HDAC9: variants seen among roughly 807,000 people sequenced by gnomAD.
HDAC9 encodes MEF-2 interacting transcription repressor (MITR) protein.
HDAC9 carries 41 observed loss-of-function variants against 139.4 expected under a neutral mutation model. That is an observed-to-expected ratio of 0.29 (90% CI 0.23 to 0.38). The LOEUF (loss-of-function observed/expected upper bound fraction) is 0.38, where lower values mean the gene tolerates loss of function less well. Among genes scored for constraint, HDAC9 ranks in the 10% least tolerant of loss-of-function variants. The probability of loss-of-function intolerance (pLI) is 1.00; values close to 1 mark genes in which losing one functional copy is unlikely to be tolerated. For synonymous variants in HDAC9, 517 were observed against 476.2 expected (o/e 1.09, Z -1.12); for missense variants, 1,147 against 1,297.0 (o/e 0.88, Z 1.78).
rs572742698 is a variant in HDAC9 at position 18,939,070 on chromosome 7, A to T, written c.2937+3128A>T. Among the ~76,000 whole-genome samples, 4 of 152,320 alleles carry T rather than the reference A, an allele frequency of 2.6e-5. 1 individual carries two copies. The highest frequency in any genetic ancestry group is 9.6e-5 in the African/African-American group (4 of 41,570). On this transcript the variant is annotated intron_variant, in intron 23 of 25. Transcript: ENST00000686413. ...TTGACTATTGAACTTACTAATTAAT[A>T]TGTATGTCTTATGGTAAATTTGAGT...
intron 13 of HDAC9, among the ~76,000 whole-genome samples, chr7:18,742,671 C>T (rs1787568298): frequency 3.3e-5 from 5 of 151,704 alleles, no homozygotes. Context: ...TTTTTCTGAC[C>T]ACTGTATTTT....
At chr7:18,375,997 C>CA (rs2128707536) in intron 1 of HDAC9, among the ~76,000 whole-genome samples, 1 of 152,198 alleles carries the variant, frequency 6.6e-6, no homozygotes, top group Non-Finnish European at 1.5e-5. Context: ...TAGGCAAGAT[C>CA]ATTAAAACAT....
chr7:18,295,081 A>T (rs1432426750), intron 1 of HDAC9, among the ~76,000 whole-genome samples: 2 of 152,134 alleles, frequency 1.3e-5, no homozygotes, highest in Non-Finnish European at 2.9e-5. Flanking sequence ...TAGGCATAAG[A>T]TGTCATGTAG....
At chr7:18,336,255 A>T (rs1172850910) in intron 1 of HDAC9, among the ~76,000 whole-genome samples, 1 of 151,546 alleles carries the variant, frequency 6.6e-6, no homozygotes, top group Admixed American at 6.6e-5. Context: ...TATTATAAGC[A>T]TTTTGGCCTA....
At chr7:18,568,299 T>G (rs969660800) in intron 2 of HDAC9, among the ~76,000 whole-genome samples, 7 of 152,080 alleles carry the variant, frequency 4.6e-5, no homozygotes, top group African/African-American at 1.7e-4. Context: ...TTTACCATAT[T>G]ATTAAATATG....
intron 6 of HDAC9, among the ~76,000 whole-genome samples, chr7:18,602,746 T>C (rs1049967110): frequency 6.6e-6 from 1 of 152,070 alleles, no homozygotes; most frequent in Non-Finnish European, 1.5e-5. Context: ...ATTACTTGAG[T>C]ATTTGCTAGC....
chr7:18,519,571 A>G (rs993553380), intron 2 of HDAC9, among the ~76,000 whole-genome samples: 2 of 152,154 alleles, frequency 1.3e-5, no homozygotes, highest in Non-Finnish European at 1.5e-5. Flanking sequence ...TGTCAACATT[A>G]TGGGAGTAAA....
At chr7:18,188,760 A>G (rs1160583654) in intron 2 of HDAC9, among the ~76,000 whole-genome samples, 4 of 152,250 alleles carry the variant, frequency 2.6e-5, no homozygotes, top group Non-Finnish European at 4.4e-5. Context: ...ATCACTGATC[A>G]TCAGAGAAAT....
At chr7:18,917,309 G>A (rs1438283669) in intron 22 of HDAC9, among the ~76,000 whole-genome samples, 1 of 151,564 alleles carries the variant, frequency 6.6e-6, no homozygotes, top group Non-Finnish European at 1.5e-5. Context: ...CTCTGGATAT[G>A]AATTTGAAAA....
chr7:18,870,187 C>T (rs1057425898), intron 21 of HDAC9, among the ~76,000 whole-genome samples: 7 of 152,102 alleles, frequency 4.6e-5, no homozygotes, highest in African/African-American at 1.7e-4. Flanking sequence ...ATCTAAACTA[C>T]AGATTTTATA....
intron 2 of HDAC9, among the ~76,000 whole-genome samples, chr7:18,261,724 A>G (rs1795692669): frequency 6.6e-6 from 1 of 152,194 alleles, no homozygotes; most frequent in Non-Finnish European, 1.5e-5. Flanking sequence ...AGATAAATTT[A>G]GTTGTCTTTT....
intron 1 of HDAC9, among the ~76,000 whole-genome samples, chr7:18,472,952 G>T (rs1177804231): frequency 6.6e-6 from 1 of 152,184 alleles, no homozygotes; most frequent in African/African-American, 2.4e-5. Flanking sequence ...AGGCCACTTA[G>T]CAATTTCTAA....
At chr7:18,867,637 A>G (rs543266223) in intron 21 of HDAC9, among the ~76,000 whole-genome samples, 2 of 152,174 alleles carry the variant, frequency 1.3e-5, no homozygotes, top group South Asian at 4.1e-4. Flanking sequence ...TTAGGATCTG[A>G]CAAGTGTGTA....
intron 2 of HDAC9, among the ~76,000 whole-genome samples, chr7:18,583,475 C>A (rs1235338851): frequency 6.6e-6 from 1 of 151,900 alleles, no homozygotes; most frequent in Non-Finnish European, 1.5e-5. Flanking sequence ...AATCTCAGAA[C>A]TTGGGAGCTC....
chr7:18,982,150 T>A (rs956553068), intron 25 of HDAC9, among the ~76,000 whole-genome samples: 3 of 152,152 alleles, frequency 2.0e-5, no homozygotes, highest in Non-Finnish European at 2.9e-5. Context: ...ATATATATAT[T>A]TTTAACTTCT....
chr7:18,232,123 G>A (rs1035892081), intron 2 of HDAC9, among the ~76,000 whole-genome samples: 53 of 152,060 alleles, frequency 3.5e-4, no homozygotes, highest in Admixed American at 3.3e-3. Context: ...TAAAACTCTA[G>A]TGATCTTCTG....
chr7:18,089,857 G>A lies in HDAC9; in HGVS notation c.-97+2644G>A, dbSNP rs563608048. 3.3e-5 allele frequency among the ~76,000 whole-genome samples: 5 copies of A among 152,104 alleles called. No individual in the cohort carries two copies. In the South Asian group the frequency reaches 6.2e-4, roughly 19 times the overall value. On this transcript the variant is annotated intron_variant, in intron 1 of 12. Transcript: ENST00000417496. ...TGTACCTTCTCATTAGTGAAATATT[G>A]TAGTTATGGACATTTTTTGTTATTA...
Position 18,298,872 on chromosome 7 carries a change from T to A in HDAC9, c.-42+8357T>A, listed in dbSNP as rs577949213. The stretch of plus-strand genomic sequence containing the variant: ...AACTGAAATTTTATTAAAAGTTTCA[T>A]ATCAGCATTTTGTGATTTTGTAACA... On this transcript the variant is annotated intron_variant, in intron 1 of 3. Coordinates refer to the HDAC9 transcript ENST00000413509. Among the ~76,000 whole-genome samples the A allele has an allele frequency of 4.6e-5, 7 of 152,322 alleles. No individual in the cohort carries two copies. In the East Asian group the frequency reaches 1.3e-3, roughly 29 times the overall value.
chr7:18,412,043 G>T (rs1788615922), intron 1 of HDAC9, among the ~76,000 whole-genome samples: 1 of 151,468 alleles, frequency 6.6e-6, no homozygotes, highest in African/African-American at 2.4e-5. Flanking sequence ...GGCCAGGCTG[G>T]TCTTGAACTC....
Sources: gnomAD v4.1 joint callset for allele counts (sites outside exome capture counted in the v4.1 genomes callset) on GRCh38, gnomAD v4.1.1 for gene constraint, MANE v1.5 for transcripts, NCBI Gene and HGNC (gene_info 2026-07-23, HGNC 2026-07-21) for gene names.